OTOG: variants seen among roughly 807,000 people sequenced by gnomAD.
The protein encoded by OTOG is otogelin.
OTOG carries 296 observed loss-of-function variants against 313.8 expected under a neutral mutation model. That is an observed-to-expected ratio of 0.94 (90% confidence interval 0.86 to 1.04). The LOEUF (loss-of-function observed/expected upper bound fraction) is 1.04, where lower values mean the gene tolerates loss of function less well. Ranked by LOEUF, OTOG falls within the 50% of genes least tolerant of loss-of-function variation. The probability of loss-of-function intolerance (pLI) is 0.00; values close to 1 mark genes in which losing one functional copy is unlikely to be tolerated. For synonymous variants in OTOG, 1,533 were observed against 1,554.9 expected (o/e 0.99, Z 0.33); for missense variants, 3,948 against 3,840.1 (o/e 1.03, Z -0.74).
chr11:17,555,149 C>T (rs373735320), intron 6 of OTOG, among the ~76,000 whole-genome samples: 6 of 152,168 alleles, frequency 3.9e-5, no homozygotes, highest in Admixed American at 1.3e-4. Flanking sequence ...TACCCCACCC[C>T]GTCCTTTGGG....
In OTOG at chr11:17,635,697, C is replaced by T. The variant is rs1854248704; in HGVS notation, c.7781C>T (p.Pro2594Leu). The change falls in exon 47 of 56, where the codon CCT becomes CTT. Residue 2594 changes from proline (P) to leucine (L), a missense_variant. By Grantham distance (98) the Pro-to-Leu change is moderately conservative (BLOSUM62 -3). Coordinates refer to ENST00000399397, the MANE Select transcript of OTOG (RefSeq NM_001292063.2). ...VHRNTTELCC[P>L]LYQCVCENFR... is the part of the protein sequence containing the mutation. Reference sequence around the variant, plus strand: ...AGGAATACCACGGAACTCTGCTGCCCTCTGTACCAGTGTGGTGAGTCCTGG... The same window carrying T: ...AGGAATACCACGGAACTCTGCTGCCTTCTGTACCAGTGTGGTGAGTCCTGG... 1.9e-6 allele frequency: 3 copies of T among 1,550,476 alleles called. No individual in the cohort carries two copies. Among genetic ancestry groups the T allele is most frequent in the African/African-American group, 1.4e-5 (1 of 73,178 alleles).
Position 17,557,135 on chromosome 11 carries a change from T to A in OTOG, c.677T>A (p.Val226Asp). The A allele has an allele frequency of 6.5e-7, 1 of 1,550,288 alleles. No individual in the cohort carries two copies. Among genetic ancestry groups the A allele is most frequent in the Non-Finnish European group, 8.7e-7 (1 of 1,146,994 alleles). The change falls in exon 8 of 56, where the codon GTC becomes GAC. Residue 226 changes from valine (V) to aspartate (D), a missense_variant. Physicochemically the swap from Val to Asp is radical, Grantham distance 152. Transcript: ENST00000399397. Reference sequence around the variant, plus strand: ...CCCTGCAGGGTCCAACTGCCACATGTCATGGGGAGCGCGCGTCTGCAGCAG... The same window carrying A: ...CCCTGCAGGGTCCAACTGCCACATGACATGGGGAGCGCGCGTCTGCAGCAG... The part of the protein sequence containing the change: ...HGGMRVQLPH[V>D]MGSARLQQLA...
intron 32 of OTOG, among the ~76,000 whole-genome samples, chr11:17,605,176 C>T (rs939653905): frequency 6.6e-6 from 1 of 152,222 alleles, no homozygotes; most frequent in Non-Finnish European, 1.5e-5. Context: ...TTGAGGAGAC[C>T]CATAAGGCCC....
intron 22 of OTOG, among the ~76,000 whole-genome samples, chr11:17,577,624 A>C (rs79961147): frequency 0.031 from 4,756 of 152,168 alleles, 261 homozygotes; most frequent in African/African-American, 0.11. Flanking sequence ...CATATAACCT[A>C]GTTTCCTGCA....
chr11:17,606,602 C>T (rs550284447), intron 33 of OTOG, among the ~76,000 whole-genome samples: 8 of 152,346 alleles, frequency 5.3e-5, no homozygotes, highest in South Asian at 2.1e-4. Flanking sequence ...GGCAACTCCC[C>T]GACCTTCCAC....
rs1327695357 is a variant in OTOG at position 17,560,702 on chromosome 11, A to G, written c.1343-7A>G. ...GTGAGTTAATTGGCCCTTTGCTGTCACTCTAGGGCTCATCTTCGAGGATGG... is the reference window on the plus strand; with the variant it reads ...GTGAGTTAATTGGCCCTTTGCTGTCGCTCTAGGGCTCATCTTCGAGGATGG... On this transcript the variant is annotated splice_region_variant and splice_polypyrimidine_tract_variant and intron_variant, in intron 12 of 55. Coordinates refer to ENST00000399397, the MANE Select transcript of OTOG (RefSeq NM_001292063.2). 6.5e-7 allele frequency: 1 copy of G among 1,548,728 alleles called. No individual in the cohort carries two copies. The highest frequency in any genetic ancestry group is 2.4e-5 in the East Asian group (1 of 40,902).
rs1038235034 is a variant in OTOG, at chr11:17,643,472, C to T, written c.8427C>T (p.Ser2809=). ...CTTCCTCTCTCTAGGTTGGGGGTTC[C>T]GTGGTACCTTCCTTGGAAGGATGCT... is the stretch of plus-strand genomic sequence containing the variant. ...NETECAKVGG[S]VVPSLEGCCR... is the part of the protein sequence containing the mutation. Residue 2809 remains serine, a synonymous_variant, in exon 54 of 56, where the codon TCC becomes TCT. Coordinates refer to ENST00000399397, the MANE Select transcript of OTOG (RefSeq NM_001292063.2). The T allele has an allele frequency of 4.2e-5, 61 of 1,446,996 alleles. No individual in the cohort carries two copies. The Admixed American group carries it at 9.5e-4, about 23-fold the overall frequency. 89.6% of individuals were successfully genotyped at this position (1,446,996 alleles called of 1,614,324 possible).
intron 40 of OTOG, among the ~76,000 whole-genome samples, chr11:17,629,689 G>C (rs1480777867): frequency 6.6e-6 from 1 of 152,130 alleles, no homozygotes; most frequent in Non-Finnish European, 1.5e-5. Flanking sequence ...ATGGCCATTA[G>C]TATCCCCACT....
intron 40 of OTOG, among the ~76,000 whole-genome samples, chr11:17,629,894 G>A (rs1322805838): frequency 3.3e-5 from 5 of 152,096 alleles, no homozygotes; most frequent in East Asian, 1.9e-4. Flanking sequence ...GCTCATTGCC[G>A]GGGCATAAGC....
intron 23 of OTOG, 108 bp downstream of exon 23, chr11:17,578,634 A>G (rs1311929068): frequency 1.5e-6 from 2 of 1,367,666 alleles, no homozygotes; most frequent in African/African-American, 1.5e-5. Context: ...GTAGGAAGGC[A>G]CTGGCCCAGG....
At chr11:17,613,327 CCCTTCCTTCCTTCCTTCCTTCCTTCCTT>C (rs10580062) in intron 38 of OTOG, among the ~76,000 whole-genome samples, 1 of 102,390 alleles carries the variant, frequency 9.8e-6, no homozygotes, top group Non-Finnish European at 1.8e-5. Flanking sequence ...CTCTGCCCTG[CCCTTCCTTCCTTCCTTCCTTCCTTCCTT>C]CCTTCCTTCC....
At chr11:17,562,454 T>A (rs1852212481) in intron 15 of OTOG, among the ~76,000 whole-genome samples, 1 of 152,206 alleles carries the variant, frequency 6.6e-6, no homozygotes, top group Non-Finnish European at 1.5e-5. Flanking sequence ...AAAGAATGAA[T>A]GTTCTAGGAT....
At chr11:17,603,939 A>C (rs1853317481) in intron 32 of OTOG, among the ~76,000 whole-genome samples, 1 of 152,044 alleles carries the variant, frequency 6.6e-6, no homozygotes, top group African/African-American at 2.4e-5. Context: ...CTTCTGTAGG[A>C]CTTCTCATGT....
chr11:17,617,514 C>G (rs530373743), intron 39 of OTOG, among the ~76,000 whole-genome samples: 4 of 151,962 alleles, frequency 2.6e-5, no homozygotes, highest in Non-Finnish European at 5.9e-5. Context: ...TTATATATTT[C>G]TTCTTTGGTA....
rs1249699360 is a variant in OTOG, at chr11:17,602,125, C to A, written c.3710-85C>A. 3.4e-6 allele frequency: 5 copies of A among 1,467,298 alleles called. No individual in the cohort carries two copies. In the South Asian group the frequency reaches 5.3e-5, roughly 15 times the overall value. 90.9% of individuals were successfully genotyped at this position (1,467,298 alleles called of 1,614,324 possible). On this transcript the variant is annotated intron_variant, in intron 31 of 55. Transcript: ENST00000399397. ...CTCCTTGGTAGCTTGCCCTCCCACC[C>A]CACTGCTGCCAAGGGGTGGGGCAGG...
At position 17,612,746 on chromosome 11, in the gene OTOG, A is replaced by C. The variant is rs982719932; in HGVS notation, c.6419A>C (p.Asp2140Ala). Reference sequence around the variant, plus strand: ...GAAATGCTCACCGTCCATGTACTGGACTGCAAAAGTGCCAACCTGGTGCCT... The same window carrying C: ...GAAATGCTCACCGTCCATGTACTGGCCTGCAAAAGTGCCAACCTGGTGCCT... Reference protein sequence around the residue: ...PDEMLTVHVLDCKSANLGHLN... With the variant: ...PDEMLTVHVLACKSANLGHLN... Residue 2140 changes from aspartate to alanine, a missense_variant, in exon 38 of 56, where the codon GAC (aspartate) becomes GCC (alanine). Transcript: ENST00000399397. 4.5e-6 allele frequency: 7 copies of C among 1,550,386 alleles called. No individual in the cohort carries two copies. The African/African-American group carries it at 8.2e-5, about 18-fold the overall frequency.
rs148816526 is a variant in OTOG, at chr11:17,573,380, C to T, written c.2293+90C>T. The T allele has an allele frequency of 1.2e-3, 1,628 of 1,334,580 alleles. 16 individuals are homozygous for T. In the African/African-American group the frequency reaches 0.021, roughly 17 times the overall value. The allele number at this position is 1,334,580 out of a possible 1,614,324, so 82.7% of individuals were successfully genotyped here. ...GCCCCTGAAAGTCTCCACTGGGATGCCCTCCAGTCTCCTCCAGCCTGACTG... is the reference window on the plus strand; with the variant it reads ...GCCCCTGAAAGTCTCCACTGGGATGTCCTCCAGTCTCCTCCAGCCTGACTG... On this transcript the variant is annotated intron_variant, in intron 19 of 55. Coordinates refer to ENST00000399397, the MANE Select transcript of OTOG (RefSeq NM_001292063.2).
intron 40 of OTOG, 90 bp from the exon 41 acceptor site, chr11:17,631,612 A>C (rs1391358403): frequency 4.6e-6 from 5 of 1,095,496 alleles, no homozygotes; most frequent in Non-Finnish European, 6.6e-6. Context: ...ATTGACCTCA[A>C]AGAACTGTGA....
rs1367038405 is a variant in OTOG at position 17,574,860 on chromosome 11, G to A, written c.2434G>A (p.Ala812Thr). 2 of 1,545,910 alleles carry A rather than the reference G, an allele frequency of 1.3e-6. No homozygotes were observed. The highest frequency in any genetic ancestry group is 1.7e-6 in the Non-Finnish European group (2 of 1,144,388). ...LSRDECVEGCACPPDTYLDTQ... is the reference protein window; with the variant it reads ...LSRDECVEGCTCPPDTYLDTQ... ...CAGAGACGAGTGTGTGGAGGGCTGT[G>A]CCTGCCCACCGGACACCTATCTGGA... is the stretch of plus-strand genomic sequence containing the variant. The change falls in exon 20 of 56, where the codon GCC (alanine) becomes ACC (threonine). Residue 812 changes from alanine to threonine, a missense_variant. By Grantham distance (58) the Ala-to-Thr change is moderately conservative (BLOSUM62 0). Coordinates refer to ENST00000399397, the MANE Select transcript of OTOG (RefSeq NM_001292063.2).
Sources: gnomAD v4.1 joint callset for allele counts (sites outside exome capture counted in the v4.1 genomes callset) on GRCh38, gnomAD v4.1.1 for gene constraint, MANE v1.5 for transcripts, NCBI Gene and HGNC (gene_info 2026-07-23, HGNC 2026-07-21) for gene names.